Variants in COL16A1 observed in about 807,000 individuals in gnomAD.
COL16A1 encodes collagen alpha-1(XVI) chain.
In COL16A1, 189 loss-of-function variants were observed where a neutral mutation model predicts 266.3. The ratio of observed to expected loss-of-function variants is 0.71; its 90% CI spans 0.63 to 0.80. The LOEUF (loss-of-function observed/expected upper bound fraction) is 0.80, where lower values mean the gene tolerates loss of function less well. COL16A1 is among the 30% of genes least tolerant of loss of function. COL16A1 has a pLI of 0.00. For synonymous variants in COL16A1, 740 were observed against 782.3 expected, an observed-to-expected ratio of 0.95 and a Z score of 0.90; for missense variants, 1,928 against 2,122.4, an observed-to-expected ratio of 0.91 and a Z score of 1.80.
rs75196479 is a variant in COL16A1, at chr1:31,656,043, G to A, written c.4101+357C>T. 0.011 allele frequency: 3,907 copies of A among 358,570 alleles called. 44 individuals are homozygous for A. Among genetic ancestry groups the A allele is most frequent in the East Asian group, 0.031 (403 of 13,068 alleles). 22.2% of individuals were successfully genotyped at this position (358,570 alleles called of 1,614,324 possible). A position where few individuals can be genotyped will look rare whatever the true frequency, so the allele number is the denominator to read the frequency against. ...CTTCTGGAAAACTTGCCAATCCCTA[G>A]TGTAAGTGTGACTGGTCTATTGTGA... is the stretch of plus-strand genomic sequence containing the variant. On this transcript the variant is annotated intron_variant, in intron 66 of 70. Coordinates refer to ENST00000373672, the MANE Select transcript of COL16A1 (RefSeq NM_001856.4). The surrounding 1 kb of genome is among the most constrained non-coding windows in gnomAD (Gnocchi z 4.2).
chr1:31,677,542 G>T (rs1643291059), intron 42 of COL16A1, among the ~76,000 whole-genome samples: 1 of 152,240 alleles, frequency 6.6e-6, no homozygotes, highest in Non-Finnish European at 1.5e-5. Context: ...GAAGCGAAGT[G>T]CAGCCAGAAT....
At chr1:31,694,676 GT>G (rs1644417525) in intron 11 of COL16A1, among the ~76,000 whole-genome samples, 1 of 152,226 alleles carries the variant, frequency 6.6e-6, no homozygotes. Flanking sequence ...AAGAGGCACA[GT>G]TGGGTGCCAG....
At chr1:31,683,508 G>A in intron 34 of COL16A1, 139 bp from the exon 35 acceptor site, 2 of 1,577,596 alleles carry the variant, frequency 1.3e-6, no homozygotes, top group South Asian at 2.3e-5. Flanking sequence ...AGACCCTGAG[G>A]GTCAGAGAGG....
In COL16A1 at chr1:31,692,801, T is replaced by C; in HGVS notation, c.1079A>G (p.Asp360Gly). Residue 360 changes from aspartate (D) to glycine (G), a missense_variant, in exon 14 of 71, where the codon GAC becomes GGC. Physicochemically the swap from Asp to Gly is moderately conservative, Grantham distance 94. Around this residue, in one of 2 missense-constraint regions of COL16A1, gnomAD observed 1,552 missense variants for 1,637.2 expected, o/e 0.95. Coordinates refer to ENST00000373672, the MANE Select transcript of COL16A1 (RefSeq NM_001856.4). Reference protein sequence around the residue: ...SKGEKGARGNDCVRISPDAPL... With the variant: ...SKGEKGARGNGCVRISPDAPL... ...GGCATCCGGGGAGATTCGAACACAGTCATTGCCCTGGGAGTAGGGAACAAG... is the reference window on the plus strand; with the variant it reads ...GGCATCCGGGGAGATTCGAACACAGCCATTGCCCTGGGAGTAGGGAACAAG... 1 of 1,613,716 alleles carries C rather than the reference T, an allele frequency of 6.2e-7. No homozygotes were observed. The highest frequency in any genetic ancestry group is 8.5e-7 in the Non-Finnish European group (1 of 1,179,700).
intron 67 of COL16A1, 117 bp from the exon 68 acceptor site, chr1:31,654,975 T>TC: frequency 1.1e-6 from 1 of 903,458 alleles, no homozygotes; most frequent in Non-Finnish European, 1.4e-6. Context: ...CAGATTCTTT[T>TC]TTTTTTTTTT....
rs1269744084 is a variant in COL16A1 at position 31,665,225 on chromosome 1, C to A, written c.3502G>T (p.Gly1168Ter). Residue 1168 changes from glycine (G) to a stop codon, truncating the protein, a stop_gained, in exon 56 of 71, where the codon GGA (glycine) becomes TGA (stop). Transcript: ENST00000373672. LOFTEE classifies it high-confidence loss of function. ...GGTGATCCAACTTTGCCTGGGAATC[C>A]AGGGGGACCCTGTATCAACAAAGGG... ...PGFPGPPGPP[G>*]FPGKVGSPGP... 1 of 1,596,132 alleles carries A rather than the reference C, an allele frequency of 6.3e-7. No individual in the cohort carries two copies. The highest frequency in any genetic ancestry group is 1.1e-5 in the South Asian group (1 of 87,634).
In COL16A1 at chr1:31,655,364, C is replaced by T. The variant is rs1215024769; in HGVS notation, c.4240G>A (p.Ala1414Thr). ...GPAGERGHPG[A>T]PGPSGSPGLP... ...CCAGGGCTCCCCGAAGGCCCCGGAGCTCCAGGGTGGCCTCTCTCTCCTGCA... is the reference window on the plus strand; with the variant it reads ...CCAGGGCTCCCCGAAGGCCCCGGAGTTCCAGGGTGGCCTCTCTCTCCTGCA... The change falls in exon 67 of 71, where the codon GCT becomes ACT. Residue 1414 changes from alanine (A) to threonine (T), a missense_variant. By Grantham distance (58) the Ala-to-Thr change is moderately conservative. Transcript: ENST00000373672. 2 of 1,614,002 alleles carry T rather than the reference C, an allele frequency of 1.2e-6. No individual in the cohort carries two copies. The highest frequency in any genetic ancestry group is 1.7e-5 in the Admixed American group (1 of 60,022).
chr1:31,653,786 A>G, intron 69 of COL16A1, 81 bp downstream of exon 69: 4 of 1,573,240 alleles, frequency 2.5e-6, no homozygotes, highest in Non-Finnish European at 3.5e-6. Flanking sequence ...TACATCCCAT[A>G]TTCACAACAG....
intron 8 of COL16A1, among the ~76,000 whole-genome samples, chr1:31,696,564 A>G (rs1343870480): frequency 6.6e-6 from 1 of 152,250 alleles, no homozygotes; most frequent in Admixed American, 6.5e-5. Flanking sequence ...CGCTGGGCCC[A>G]GGAGAGTGAG....
chr1:31,691,581 A>C lies in COL16A1; in HGVS notation c.1302+17T>G. On this transcript the variant is annotated intron_variant, in intron 18 of 70. Transcript: ENST00000373672. The stretch of plus-strand genomic sequence containing the variant: ...CCCTGCCACCCCATCTCCACCCCAC[A>C]AACATCCACAACTCACCTTCTGCCC... The C allele has an allele frequency of 6.2e-7, 1 of 1,613,816 alleles. No homozygotes were observed. The highest frequency in any genetic ancestry group is 8.5e-7 in the Non-Finnish European group (1 of 1,179,966).
At chr1:31,669,772 G>C (rs1642482790) in intron 49 of COL16A1, 1 of 152,272 alleles carries the variant, frequency 6.6e-6, no homozygotes, top group Admixed American at 6.5e-5. Context: ...CGTGACCCAG[G>C]AGGGAGCAAC....
chr1:31,678,370 G>A (rs1412639851), intron 42 of COL16A1, among the ~76,000 whole-genome samples: 2 of 152,278 alleles, frequency 1.3e-5, no homozygotes, highest in African/African-American at 2.4e-5. Context: ...TCTGGAAAAC[G>A]TGGCTTGCTA....
chr1:31,687,614 G>A (rs960669504), intron 26 of COL16A1, among the ~76,000 whole-genome samples: 11 of 151,470 alleles, frequency 7.3e-5, no homozygotes, highest in African/African-American at 1.2e-4. Context: ...GTCAGGACTC[G>A]CTGGGGGGCT....
chr1:31,699,967 C>T (rs1557701695), intron 3 of COL16A1, 37 bp from the exon 4 acceptor site: 3 of 1,599,590 alleles, frequency 1.9e-6, no homozygotes, highest in Non-Finnish European at 2.6e-6. Flanking sequence ...CTCAGCTGAG[C>T]AGGTGGAGAG....
intron 42 of COL16A1, among the ~76,000 whole-genome samples, chr1:31,676,367 C>A (rs1643187166): frequency 6.6e-6 from 1 of 151,678 alleles, no homozygotes; most frequent in South Asian, 2.1e-4. Flanking sequence ...AAGTAACTTG[C>A]CAAAGGTCAC....
chr1:31,689,706 G>C lies in COL16A1; in HGVS notation c.1620+35C>G, dbSNP rs903713894. The C allele has an allele frequency of 5.2e-6, 8 of 1,542,596 alleles. No homozygotes were observed. The African/African-American group carries it at 9.5e-5, about 18-fold the overall frequency. On this transcript the variant is annotated intron_variant, in intron 23 of 70. Coordinates refer to ENST00000373672, the MANE Select transcript of COL16A1 (RefSeq NM_001856.4). ...TGTCCCCAGGTTTCTTTGTGTGTTG[G>C]GGGAGGTCCCTCAATGGTCACCCTG...
At position 31,692,760 on chromosome 1, in the gene COL16A1, G is replaced by T. The variant is rs1329619461; in HGVS notation, c.1113+7C>A. On this transcript the variant is annotated splice_region_variant and intron_variant, in intron 14 of 70. Coordinates refer to ENST00000373672, the MANE Select transcript of COL16A1 (RefSeq NM_001856.4). Reference sequence around the variant, plus strand: ...GCCCTGAAGCAGGCATCACCTCCAAGTCTTACCTGAAGTGGGGCATCCGGG... The same window carrying T: ...GCCCTGAAGCAGGCATCACCTCCAATTCTTACCTGAAGTGGGGCATCCGGG... 4 of 1,613,592 alleles carry T rather than the reference G, an allele frequency of 2.5e-6. No homozygotes were observed. The highest frequency in any genetic ancestry group is 3.4e-6 in the Non-Finnish European group (4 of 1,179,604).
At chr1:31,655,835 T>C in intron 66 of COL16A1, 1 of 359,004 alleles carries the variant, frequency 2.8e-6, no homozygotes. Context: ...CCACCAGACC[T>C]CACTGGTGAT....
chr1:31,694,686 A>G (rs908646395), intron 11 of COL16A1, among the ~76,000 whole-genome samples: 1 of 152,208 alleles, frequency 6.6e-6, no homozygotes, highest in Non-Finnish European at 1.5e-5. Flanking sequence ...GTTGGGTGCC[A>G]GCTGGGCTCA....
Sources: allele counts gnomAD v4.1 joint callset (sites outside exome capture counted in the v4.1 genomes callset), GRCh38; gene constraint gnomAD v4.1.1; regional missense constraint gnomAD v4.1.1; non-coding constraint Gnocchi (gnomAD v3.1); transcripts MANE v1.5; gene names NCBI Gene and HGNC (gene_info 2026-07-23, HGNC 2026-07-21).